EIF3J: variants seen among roughly 807,000 people sequenced by gnomAD.
EIF3J encodes eukaryotic translation initiation factor 3 subunit J.
In EIF3J, 15 loss-of-function variants were observed where a neutral mutation model predicts 39.0. That is an observed-to-expected ratio of 0.38 (90% CI 0.26 to 0.59). The LOEUF is 0.59. Ranked by LOEUF, EIF3J falls within the 20% of genes least tolerant of loss-of-function variation. The pLI, the probability that EIF3J is intolerant of heterozygous loss-of-function variation, is 0.60. For synonymous variants in EIF3J, 98 were observed against 112.9 expected (o/e 0.87, Z 0.84); for missense variants, 226 against 308.6 (o/e 0.73, Z 2.00).
At chr15:44,539,665 G>T (rs944490114) in intron 2 of EIF3J, among the ~76,000 whole-genome samples, 2 of 151,550 alleles carry the variant, frequency 1.3e-5, no homozygotes, top group Non-Finnish European at 2.9e-5. Context: ...CTCCCAAAGT[G>T]CTGGGATTAC....
chr15:44,540,721 G>A (rs1317651392), intron 2 of EIF3J, among the ~76,000 whole-genome samples: 2 of 152,212 alleles, frequency 1.3e-5, no homozygotes, highest in African/African-American at 2.4e-5. Flanking sequence ...GATTATGGGC[G>A]TGAGCCAGCA....
At chr15:44,551,317 T>C (rs754778529) in intron 3 of EIF3J, 114 bp from the exon 4 acceptor site, 3 of 694,034 alleles carry the variant, frequency 4.3e-6, no homozygotes, top group Non-Finnish European at 7.1e-6. Context: ...GAAAAATCAC[T>C]GTTTGAAGCT....
At chr15:44,538,908 G>T (rs2081984312) in intron 2 of EIF3J, among the ~76,000 whole-genome samples, 1 of 152,088 alleles carries the variant, frequency 6.6e-6, no homozygotes, top group Admixed American at 6.6e-5. Context: ...AAAGATTAGA[G>T]ATATTAGGAA....
At chr15:44,544,835 C>T (rs1595799925) in intron 2 of EIF3J, among the ~76,000 whole-genome samples, 1 of 151,760 alleles carries the variant, frequency 6.6e-6, no homozygotes, top group East Asian at 1.9e-4. Context: ...GAAACCCGGT[C>T]TCTACTAAAA....
intron 2 of EIF3J, among the ~76,000 whole-genome samples, chr15:44,549,049 T>A (rs1401543974): frequency 6.6e-6 from 1 of 150,614 alleles, no homozygotes; most frequent in Admixed American, 6.6e-5. Context: ...AAAAAAAAAA[T>A]GAAACCCTAT....
chr15:44,543,310 A>G (rs1217280515), intron 2 of EIF3J, among the ~76,000 whole-genome samples: 1 of 152,028 alleles, frequency 6.6e-6, no homozygotes, highest in Non-Finnish European at 1.5e-5. Context: ...TTCAGGGCAG[A>G]CTTGTAAGCA....
chr15:44,547,263 C>T (rs2082061422), intron 2 of EIF3J, among the ~76,000 whole-genome samples: 1 of 152,000 alleles, frequency 6.6e-6, no homozygotes, highest in Non-Finnish European at 1.5e-5. Flanking sequence ...CCTGCCTCAG[C>T]CTCCCGAGTA....
chr15:44,544,186 C>T (rs930097239), intron 2 of EIF3J, among the ~76,000 whole-genome samples: 26 of 150,708 alleles, frequency 1.7e-4, no homozygotes, highest in African/African-American at 5.4e-4. Context: ...CTCTGCCTCC[C>T]GGGTTCAAAG....
At chr15:44,539,453 G>A (rs2081989662) in intron 2 of EIF3J, among the ~76,000 whole-genome samples, 1 of 152,030 alleles carries the variant, frequency 6.6e-6, no homozygotes, top group East Asian at 1.9e-4. Flanking sequence ...TGTCACCCAG[G>A]CTGGAGTGCA....
chr15:44,543,414 C>T (rs1488269639), intron 2 of EIF3J, among the ~76,000 whole-genome samples: 2 of 145,690 alleles, frequency 1.4e-5, no homozygotes, highest in Non-Finnish European at 3.0e-5. Context: ...TTGATAGGAA[C>T]CACTTTTTTT....
intron 2 of EIF3J, among the ~76,000 whole-genome samples, chr15:44,540,093 C>T (rs1232536112): frequency 8.6e-5 from 13 of 150,736 alleles, no homozygotes; most frequent in Non-Finnish European, 1.8e-4. Context: ...CGCCCACCAC[C>T]ACACCCAGCT....
intron 2 of EIF3J, among the ~76,000 whole-genome samples, chr15:44,543,188 A>ACCTGG (rs1476797177): frequency 4.6e-5 from 7 of 152,164 alleles, no homozygotes; most frequent in African/African-American, 7.2e-5. Context: ...GGGGAAAGCT[A>ACCTGG]CCTGGCCTTT....
In EIF3J at chr15:44,551,530, C is replaced by T. The variant is rs760006784; in HGVS notation, c.294+8C>T. 2 of 1,572,466 alleles carry T rather than the reference C, an allele frequency of 1.3e-6. No homozygotes were observed. Among genetic ancestry groups the T allele is most frequent in the East Asian group, 2.3e-5 (1 of 44,236 alleles). On this transcript the variant is annotated splice_region_variant and intron_variant, in intron 4 of 7. Transcript: ENST00000261868. ...GAAGAAATTAAAAAGAGGGTAAATT[C>T]TGTTTTCTAAAATACAGAATTCTCA...
In EIF3J at chr15:44,560,261, A is replaced by G; in HGVS notation, c.584A>G (p.Asp195Gly). 1.3e-6 allele frequency: 2 copies of G among 1,598,468 alleles called. No homozygotes were observed. Among genetic ancestry groups the G allele is most frequent in the South Asian group, 1.2e-5 (1 of 86,680 alleles). The change falls in exon 7 of 8, where the codon GAC (aspartate) becomes GGC (glycine). Residue 195 changes from aspartate (D) to glycine (G), a missense_variant. By Grantham distance (94) the Asp-to-Gly change is moderately conservative. Transcript: ENST00000261868. The part of the protein sequence containing the change: ...RDVCISLEID[D>G]LKKITNSLTV... ...TTTTTTTTTTAAGTGGAAATTGATGACTTGAAAAAAATTACCAATTCACTG... is the reference window on the plus strand; with the variant it reads ...TTTTTTTTTTAAGTGGAAATTGATGGCTTGAAAAAAATTACCAATTCACTG...
At chr15:44,543,523 C>T (rs1310653019) in intron 2 of EIF3J, among the ~76,000 whole-genome samples, 1 of 151,552 alleles carries the variant, frequency 6.6e-6, no homozygotes, top group East Asian at 1.9e-4. Context: ...AAGCGATTCT[C>T]CTGCCTCAGC....
intron 2 of EIF3J, among the ~76,000 whole-genome samples, chr15:44,538,754 A>G (rs2081982897): frequency 6.6e-6 from 1 of 152,238 alleles, no homozygotes; most frequent in South Asian, 2.1e-4. Context: ...ATTACAAGAT[A>G]TTAGTTACCC....
intron 2 of EIF3J, among the ~76,000 whole-genome samples, chr15:44,547,709 A>C (rs1224521173): frequency 6.6e-6 from 1 of 151,658 alleles, no homozygotes. Context: ...CAGCCTCCCA[A>C]AGTGCTGGGA....
chr15:44,542,332 CT>C (rs199554234), intron 2 of EIF3J, among the ~76,000 whole-genome samples: 2 of 150,800 alleles, frequency 1.3e-5, no homozygotes, highest in African/African-American at 4.9e-5. Context: ...AAATTAAAGG[CT>C]TTTTTTTTCT....
At chr15:44,560,704 G>A in intron 7 of EIF3J, 1 of 340,530 alleles carries the variant, frequency 2.9e-6, no homozygotes, top group Non-Finnish European at 5.4e-6. Flanking sequence ...AGAGCTTTGT[G>A]ATTTTAAATT....
Sources: gnomAD v4.1 joint callset for allele counts (sites outside exome capture counted in the v4.1 genomes callset) on GRCh38, gnomAD v4.1.1 for gene constraint, MANE v1.5 for transcripts, NCBI Gene and HGNC (gene_info 2026-07-23, HGNC 2026-07-21) for gene names.